PPARGC1A: variants seen among roughly 807,000 people sequenced by gnomAD.
PPARGC1A encodes the protein peroxisome proliferator-activated receptor gamma coactivator 1-alpha.
A neutral mutation model predicts 88.7 loss-of-function variants in PPARGC1A; 25 were observed. The observed-to-expected ratio is 0.28, with a 90% confidence interval of 0.21 to 0.39. The LOEUF is 0.39. PPARGC1A is among the 10% of genes least tolerant of loss of function. The pLI is 1.00. For synonymous variants in PPARGC1A, 363 were observed against 355.6 expected (o/e 1.02, Z -0.24); for missense variants, 880 against 968.7 (o/e 0.91, Z 1.22).
At chr4:24,045,928 A>T in the PPARGC1A span, among the ~76,000 whole-genome samples, 4 of 152,178 alleles carry the variant, frequency 2.6e-5, no homozygotes, top group African/African-American at 9.7e-5. Flanking sequence ...ACAGTCACCA[A>T]GCCATGATAT....
chr4:24,378,154 T>C, the PPARGC1A span, among the ~76,000 whole-genome samples: 2 of 152,050 alleles, frequency 1.3e-5, no homozygotes, highest in Non-Finnish European at 2.9e-5. Context: ...CTGGCCAACA[T>C]GGTAAAACCC....
At chr4:24,113,609 C>T in the PPARGC1A span, among the ~76,000 whole-genome samples, 1 of 152,030 alleles carries the variant, frequency 6.6e-6, no homozygotes, top group South Asian at 2.1e-4. Context: ...AGAAGGGTTC[C>T]AGTGACCCAG....
At chr4:23,943,669 T>C in the PPARGC1A span, among the ~76,000 whole-genome samples, 6 of 152,188 alleles carry the variant, frequency 3.9e-5, no homozygotes, top group African/African-American at 1.4e-4. Context: ...TAGTGACCTA[T>C]TTCTAAAAGT....
the PPARGC1A span, among the ~76,000 whole-genome samples, chr4:24,377,483 A>C: frequency 7.4e-4 from 113 of 152,282 alleles, 1 homozygote; most frequent in Admixed American, 2.5e-3. Context: ...CCTGGACTCC[A>C]ACTACGGTGT....
chr4:23,979,424 A>T, the PPARGC1A span, among the ~76,000 whole-genome samples: 1 of 152,152 alleles, frequency 6.6e-6, no homozygotes, highest in Admixed American at 6.5e-5. Context: ...CTGCATCTAC[A>T]TGGTTACAAT....
At chr4:24,238,398 T>A in the PPARGC1A span, among the ~76,000 whole-genome samples, 1 of 152,188 alleles carries the variant, frequency 6.6e-6, no homozygotes, top group African/African-American at 2.4e-5. Context: ...ATTAACTTCT[T>A]AGAGTATCTT....
At chr4:24,228,985 A>G in the PPARGC1A span, among the ~76,000 whole-genome samples, 1 of 151,884 alleles carries the variant, frequency 6.6e-6, no homozygotes, top group African/African-American at 2.4e-5. Context: ...TTTTACAAAC[A>G]CCCCAAGTGA....
At chr4:23,849,380 A>G (rs1048148731) in intron 2 of PPARGC1A, among the ~76,000 whole-genome samples, 1 of 152,222 alleles carries the variant, frequency 6.6e-6, no homozygotes, top group Non-Finnish European at 1.5e-5. Context: ...GATGAGCCAT[A>G]TCACAATCTT....
At chr4:24,431,284 C>T in the PPARGC1A span, among the ~76,000 whole-genome samples, 1 of 151,996 alleles carries the variant, frequency 6.6e-6, no homozygotes, top group African/African-American at 2.4e-5. Flanking sequence ...GGGATGATGT[C>T]AACATTAACT....
chr4:24,002,917 C>T, the PPARGC1A span, among the ~76,000 whole-genome samples: 1 of 152,190 alleles, frequency 6.6e-6, no homozygotes, highest in Admixed American at 6.5e-5. Context: ...GTCCACCTCA[C>T]AGGATCTTGA....
chr4:23,978,207 T>G, the PPARGC1A span, among the ~76,000 whole-genome samples: 5 of 152,214 alleles, frequency 3.3e-5, no homozygotes, highest in Non-Finnish European at 7.3e-5. Context: ...ACAGTAAAAT[T>G]CTTGCCTGTT....
the PPARGC1A span, among the ~76,000 whole-genome samples, chr4:24,121,838 C>G: frequency 6.6e-6 from 1 of 152,188 alleles, no homozygotes; most frequent in Non-Finnish European, 1.5e-5. Context: ...TTATCTGCGG[C>G]AGTGGTGAGA....
the PPARGC1A span, among the ~76,000 whole-genome samples, chr4:24,375,004 C>A: frequency 2.8e-5 from 4 of 142,398 alleles, no homozygotes; most frequent in Non-Finnish European, 4.6e-5. Flanking sequence ...ATCCACCAAC[C>A]CCCCACCCTA....
the PPARGC1A span, among the ~76,000 whole-genome samples, chr4:24,289,597 C>A: frequency 0.33 from 50,610 of 152,056 alleles, 8,662 homozygotes; most frequent in Admixed American, 0.44. Flanking sequence ...GATGAGAGGT[C>A]TCTGTCCATC....
At chr4:24,002,346 T>C in the PPARGC1A span, among the ~76,000 whole-genome samples, 1 of 152,220 alleles carries the variant, frequency 6.6e-6, no homozygotes, top group Admixed American at 6.5e-5. Context: ...CAGGATGGTC[T>C]CGATCTCCTG....
At chr4:24,051,169 C>T in the PPARGC1A span, among the ~76,000 whole-genome samples, 1 of 108,246 alleles carries the variant, frequency 9.2e-6, no homozygotes, top group Non-Finnish European at 1.7e-5. Flanking sequence ...GCCTGGGTGA[C>T]AGAGCATGAC....
chr4:23,804,791 C>G (rs896594094), intron 10 of PPARGC1A, among the ~76,000 whole-genome samples: 10 of 152,096 alleles, frequency 6.6e-5, no homozygotes, highest in Non-Finnish European at 1.3e-4. Flanking sequence ...ACTGGGACAC[C>G]CTATTCACAC....
At chr4:24,171,739 T>C in the PPARGC1A span, among the ~76,000 whole-genome samples, 1 of 152,256 alleles carries the variant, frequency 6.6e-6, no homozygotes, top group African/African-American at 2.4e-5. Flanking sequence ...TATTAATTCA[T>C]GATAGATGTA....
At chr4:24,372,392 T>C in the PPARGC1A span, among the ~76,000 whole-genome samples, 1 of 152,312 alleles carries the variant, frequency 6.6e-6, no homozygotes, top group East Asian at 1.9e-4. Context: ...TTTGTAGTTT[T>C]TTAAGCTTCC....
Sources: gnomAD v4.1 joint callset for allele counts (sites outside exome capture counted in the v4.1 genomes callset) on GRCh38, gnomAD v4.1.1 for gene constraint, MANE v1.5 for transcripts, NCBI Gene and HGNC (gene_info 2026-07-23, HGNC 2026-07-21) for gene names.